ABAT: variants seen among roughly 807,000 people sequenced by gnomAD.
The protein encoded by ABAT is 4-aminobutyrate aminotransferase, mitochondrial.
A neutral mutation model predicts 64.6 loss-of-function variants in ABAT; 45 were observed. That is an observed-to-expected ratio of 0.70 (90% CI 0.55 to 0.89). ABAT has a LOEUF of 0.89. ABAT is among the 40% of genes least tolerant of loss of function. The pLI is 0.00. For synonymous variants in ABAT, 297 were observed against 250.5 expected, an observed-to-expected ratio of 1.19 and a Z score of -1.75; for missense variants, 633 against 658.4, an observed-to-expected ratio of 0.96 and a Z score of 0.42.
intron 1 of ABAT, among the ~76,000 whole-genome samples, chr16:8,729,101 G>A (rs2058642379): frequency 6.6e-6 from 1 of 151,482 alleles, no homozygotes; most frequent in Admixed American, 6.6e-5. Context: ...GAGCTCAGGA[G>A]TTCAAGACCA....
At chr16:8,731,013 A>C (rs2058703269) in intron 1 of ABAT, among the ~76,000 whole-genome samples, 1 of 152,170 alleles carries the variant, frequency 6.6e-6, no homozygotes, top group Non-Finnish European at 1.5e-5. Context: ...CCCAGACTGG[A>C]GTGCGGTGGT....
Position 8,776,569 on chromosome 16 carries a change from G to T in ABAT, c.1269+79G>T. ...CTCCGGGGCAACACTGGAGCTCTTC[G>T]GCATGGTGTTGTGCCTGCTGTTCCA... is the stretch of plus-strand genomic sequence containing the variant. On this transcript the variant is annotated intron_variant, in intron 14 of 15. Transcript: ENST00000268251. This position sits in a 1 kb window ranked among gnomAD's most constrained non-coding sequence, Gnocchi z 4.4. 7.0e-7 allele frequency: 1 copy of T among 1,434,138 alleles called. No homozygotes were observed. Among genetic ancestry groups the T allele is most frequent in the Non-Finnish European group, 9.5e-7 (1 of 1,047,254 alleles). The allele number at this position is 1,434,138 out of a possible 1,614,324, so 88.8% of individuals were successfully genotyped here. A position where few individuals can be genotyped will look rare whatever the true frequency, so the allele number is the denominator to read the frequency against.
At chr16:8,777,914 G>C (rs558767361) in intron 14 of ABAT, among the ~76,000 whole-genome samples, 6 of 152,274 alleles carry the variant, frequency 3.9e-5, no homozygotes, top group Admixed American at 3.3e-4. Context: ...AACTGAGTTT[G>C]AGACCAGCCC....
chr16:8,753,385 G>A (rs930638431), intron 5 of ABAT, among the ~76,000 whole-genome samples: 2 of 152,128 alleles, frequency 1.3e-5, no homozygotes, highest in African/African-American at 4.8e-5. Context: ...GTGAGCCACC[G>A]CGCCTGGCCC....
rs773662763 is a variant in ABAT, at chr16:8,764,845, A to G, written c.540+15A>G. 403 of 663,188 alleles carry G rather than the reference A, an allele frequency of 6.1e-4. No homozygotes were observed. Among genetic ancestry groups the G allele is most frequent in the Non-Finnish European group, 7.7e-4 (373 of 483,588 alleles). 41.1% of individuals were successfully genotyped at this position (663,188 alleles called of 1,614,324 possible). A position where few individuals can be genotyped will look rare whatever the true frequency, so the allele number is the denominator to read the frequency against. ...TGTGGTACCGGGTGAGGTTTGGGGC[A>G]CACACACACACACACACACAGGCTC... On this transcript the variant is annotated intron_variant, in intron 8 of 15. Transcript: ENST00000268251. This position sits in a 1 kb window ranked among gnomAD's most constrained non-coding sequence, Gnocchi z 4.2.
chr16:8,757,134 C>T (rs551094403), intron 5 of ABAT: 135 of 454,950 alleles, frequency 3.0e-4, no homozygotes, highest in African/African-American at 2.4e-3. Flanking sequence ...CCCCAGCCAG[C>T]CCCAGGCTTG....
chr16:8,733,134 C>A lies in ABAT; in HGVS notation c.-41-2565C>A, dbSNP rs967997486. Among the ~76,000 whole-genome samples, 3 of 150,344 alleles carry A rather than the reference C, an allele frequency of 2.0e-5. No homozygotes were observed. The South Asian group carries it at 6.3e-4, about 32-fold the overall frequency. On this transcript the variant is annotated intron_variant, in intron 1 of 15. Transcript: ENST00000268251. ...TGGCCGGGCGGGGGGCTGACCCCCC[C>A]CCACCTCCCTCCCGGACGGGGTGGC...
At chr16:8,738,457 A>G (rs1326419966) in intron 2 of ABAT, 18 of 455,836 alleles carry the variant, frequency 3.9e-5, no homozygotes, top group Non-Finnish European at 7.1e-5. Flanking sequence ...CAATCCAGGT[A>G]CACACATTGC....
intron 1 of ABAT, among the ~76,000 whole-genome samples, chr16:8,719,354 T>A (rs1365590282): frequency 6.6e-6 from 1 of 152,214 alleles, no homozygotes; most frequent in Non-Finnish European, 1.5e-5. Flanking sequence ...CTTATCCTTT[T>A]GCAGATGTTT....
At chr16:8,686,880 G>A (rs1315805298) in intron 1 of ABAT, among the ~76,000 whole-genome samples, 1 of 152,230 alleles carries the variant, frequency 6.6e-6, no homozygotes, top group East Asian at 1.9e-4. Context: ...TGCTGAATAT[G>A]AACTGATGGT....
rs3217123 is a variant in ABAT, at chr16:8,781,189, TGATGGATG to T, written c.1382-99_1382-92del. The T allele has an allele frequency of 4.1e-4, 586 of 1,418,744 alleles. No individual in the cohort carries two copies. Among genetic ancestry groups the T allele is most frequent in the Middle Eastern group, 7.2e-4 (3 of 4,152 alleles). 87.9% of individuals were successfully genotyped at this position (1,418,744 alleles called of 1,614,324 possible). A position where few individuals can be genotyped will look rare whatever the true frequency, so the allele number is the denominator to read the frequency against. ...AAGCCCGGGCTTCCATGATGGAGGATGATGGATGGATGGATGGATGGATGGATGAGCGT... is the reference window on the plus strand; with the variant it reads ...AAGCCCGGGCTTCCATGATGGAGGATGATGGATGGATGGATGGATGAGCGT... On this transcript the variant is annotated intron_variant, in intron 15 of 15. Coordinates refer to ENST00000268251, the MANE Select transcript of ABAT (RefSeq NM_020686.6). This position sits in a 1 kb window ranked among gnomAD's most constrained non-coding sequence, Gnocchi z 4.5.
At chr16:8,770,278 C>T (rs1417070393) in intron 11 of ABAT, among the ~76,000 whole-genome samples, 1 of 151,976 alleles carries the variant, frequency 6.6e-6, no homozygotes, top group Non-Finnish European at 1.5e-5. Context: ...GCTGGGACTA[C>T]AGGCGCTTGA....
chr16:8,763,965 A>C, intron 6 of ABAT, 104 bp from the exon 7 acceptor site: 1 of 960,172 alleles, frequency 1.0e-6, no homozygotes, highest in Admixed American at 1.7e-5. Context: ...CTGCAACCCC[A>C]TTTGGAGGCT....
At chr16:8,766,512 G>A (rs540624381) in intron 9 of ABAT, among the ~76,000 whole-genome samples, 51 of 150,472 alleles carry the variant, frequency 3.4e-4, no homozygotes, top group Non-Finnish European at 2.8e-4. Flanking sequence ...AAAATTACCC[G>A]GGCATAGTGG....
intron 1 of ABAT, among the ~76,000 whole-genome samples, chr16:8,679,783 C>T (rs573531792): frequency 1.3e-5 from 2 of 152,226 alleles, no homozygotes; most frequent in African/African-American, 2.4e-5. Context: ...GTTGTCCTCA[C>T]TTCTTCACTT....
chr16:8,675,654 C>T (rs972032642), intron 1 of ABAT, among the ~76,000 whole-genome samples: 4 of 152,146 alleles, frequency 2.6e-5, no homozygotes, highest in African/African-American at 4.8e-5. Flanking sequence ...AAGACTGGAG[C>T]TCTTAAAACT....
At chr16:8,751,305 C>T (rs2059474483) in intron 5 of ABAT, among the ~76,000 whole-genome samples, 1 of 151,998 alleles carries the variant, frequency 6.6e-6, no homozygotes, top group Non-Finnish European at 1.5e-5. Flanking sequence ...CCAGGCTGGT[C>T]TCGAACTCCT....
At chr16:8,714,544 G>C (rs2058158857) in intron 1 of ABAT, 1 of 152,254 alleles carries the variant, frequency 6.6e-6, no homozygotes, top group South Asian at 2.1e-4. Context: ...TGCCCCAAGA[G>C]GCAACCAGAA....
Position 8,764,599 on chromosome 16 carries a change from C to A in ABAT, c.448-139C>A. 2.4e-6 allele frequency: 2 copies of A among 838,426 alleles called. No individual in the cohort carries two copies. The highest frequency in any genetic ancestry group is 1.9e-5 in the Admixed American group (1 of 52,062). 51.9% of individuals were successfully genotyped at this position (838,426 alleles called of 1,614,324 possible). On this transcript the variant is annotated intron_variant, in intron 7 of 15. Coordinates refer to ENST00000268251, the MANE Select transcript of ABAT (RefSeq NM_020686.6). This position sits in a 1 kb window ranked among gnomAD's most constrained non-coding sequence, Gnocchi z 4.2. ...CCTGGAAAAGCCTGAGCCCACCCTC[C>A]CAGTCCGACACCTTCCAGGACAGCC...
Sources: allele counts gnomAD v4.1 joint callset (sites outside exome capture counted in the v4.1 genomes callset), GRCh38; gene constraint gnomAD v4.1.1; non-coding constraint Gnocchi (gnomAD v3.1); transcripts MANE v1.5; gene names NCBI Gene and HGNC (gene_info 2026-07-23, HGNC 2026-07-21).